Variants in SIPA1L1 observed in about 807,000 individuals in gnomAD.
SIPA1L1 encodes signal induced proliferation associated 1 like 1.
Under a neutral mutation model 162.7 loss-of-function variants are expected in SIPA1L1, and 26 were observed. The observed-to-expected ratio is 0.16, with a 90% CI of 0.12 to 0.22. The LOEUF is 0.22. SIPA1L1 is among the 10% of genes least tolerant of loss of function. The pLI, the probability that SIPA1L1 is intolerant of heterozygous loss-of-function variation, is 1.00. For missense variants in SIPA1L1, 1,874 were observed against 2,241.0 expected (o/e 0.84, Z 3.31); for synonymous variants, 829 against 837.4 (o/e 0.99, Z 0.17).
chr14:71,500,986 A>T (rs1240720621), intron 2 of SIPA1L1, among the ~76,000 whole-genome samples: 1 of 152,180 alleles, frequency 6.6e-6, no homozygotes, highest in East Asian at 1.9e-4. Context: ...ATCCTGGGCA[A>T]CAAGAGCGAA....
chr14:71,685,388 C>G lies in SIPA1L1; in HGVS notation c.3131C>G (p.Pro1044Arg), dbSNP rs2149565804. ...RRSCSETYRM[P>R]VMEYKMNEGV... ...AGTTGCTCTGAAACCTACCGCATGC[C>G]AGTGATGGAGTACAAAATGAATGAA... Residue 1044 changes from proline (P) to arginine (R), a missense_variant, in exon 13 of 24, where the codon CCA becomes CGA. Coordinates refer to ENST00000381232, the MANE Select transcript of SIPA1L1 (RefSeq NM_001386936.1). The G allele has an allele frequency of 6.2e-7, 1 of 1,614,108 alleles. No individual in the cohort carries two copies. The highest frequency in any genetic ancestry group is 2.2e-5 in the East Asian group (1 of 44,866).
At chr14:71,510,227 C>A (rs2051024631) in intron 2 of SIPA1L1, among the ~76,000 whole-genome samples, 1 of 109,698 alleles carries the variant, frequency 9.1e-6, no homozygotes, top group South Asian at 3.1e-4. Context: ...ACTCTTGTTG[C>A]CCAGGTTGGA....
chr14:71,417,050 C>T (rs1004736972), intron 2 of SIPA1L1, among the ~76,000 whole-genome samples: 1 of 152,090 alleles, frequency 6.6e-6, no homozygotes, highest in Non-Finnish European at 1.5e-5. Context: ...CGTGCCTGGC[C>T]TGCATGTAAC....
At chr14:71,607,201 A>G (rs1381878718) in intron 5 of SIPA1L1, among the ~76,000 whole-genome samples, 1 of 151,702 alleles carries the variant, frequency 6.6e-6, no homozygotes, top group Non-Finnish European at 1.5e-5. Context: ...GCAGAACTTC[A>G]CTATGAACAA....
At chr14:71,503,136 A>G (rs2050388600) in intron 2 of SIPA1L1, among the ~76,000 whole-genome samples, 1 of 152,198 alleles carries the variant, frequency 6.6e-6, no homozygotes, top group Non-Finnish European at 1.5e-5. Context: ...TTAGCTTCAA[A>G]TGGTGTAGAT....
intron 5 of SIPA1L1, among the ~76,000 whole-genome samples, chr14:71,592,562 C>T (rs188152779): frequency 1.1e-3 from 167 of 151,944 alleles, no homozygotes; most frequent in Non-Finnish European, 1.5e-3. Flanking sequence ...GTCACTCAGC[C>T]GCTTATCACC....
intron 2 of SIPA1L1, among the ~76,000 whole-genome samples, chr14:71,426,875 T>A (rs749693708): frequency 5.9e-5 from 9 of 152,182 alleles, no homozygotes; most frequent in Non-Finnish European, 1.2e-4. Context: ...GTCACAGAAT[T>A]ACATCTTTAT....
chr14:71,666,994 A>G (rs558726581), intron 10 of SIPA1L1, among the ~76,000 whole-genome samples: 67 of 152,080 alleles, frequency 4.4e-4, no homozygotes, highest in Non-Finnish European at 7.1e-4. Flanking sequence ...CAGCATCCCT[A>G]TTGTCCACTG....
intron 4 of SIPA1L1, among the ~76,000 whole-genome samples, chr14:71,549,314 T>C (rs540441423): frequency 6.6e-6 from 1 of 152,190 alleles, no homozygotes; most frequent in East Asian, 1.9e-4. Flanking sequence ...AGACTACCTT[T>C]TTTTTTTTCT....
In SIPA1L1 at chr14:71,358,782, G is replaced by A. The variant is rs556754041; in HGVS notation, c.-465+37601G>A. 7.2e-5 allele frequency among the ~76,000 whole-genome samples: 11 copies of A among 152,304 alleles called. No homozygotes were observed. In the South Asian group the frequency reaches 2.3e-3, roughly 32 times the overall value. ...AGGCCTCAGGAAACTTTTAGTCATG[G>A]CAGAGGGAAGCAGGCACGTCTTGCA... On this transcript the variant is annotated intron_variant, in intron 2 of 23. Coordinates refer to ENST00000381232, the MANE Select transcript of SIPA1L1 (RefSeq NM_001386936.1).
At chr14:71,463,470 T>TA (rs1164861054) in intron 2 of SIPA1L1, among the ~76,000 whole-genome samples, 4 of 152,226 alleles carry the variant, frequency 2.6e-5, no homozygotes, top group Non-Finnish European at 5.9e-5. Context: ...TCCCCTGGAA[T>TA]CAGCATCAGC....
chr14:71,523,963 G>C (rs759779017), intron 3 of SIPA1L1, among the ~76,000 whole-genome samples: 1 of 152,172 alleles, frequency 6.6e-6, no homozygotes, highest in Admixed American at 6.5e-5. Flanking sequence ...TTTGCAGCCA[G>C]ACATCTCTCC....
At chr14:71,428,705 C>G (rs1012377630) in intron 2 of SIPA1L1, among the ~76,000 whole-genome samples, 7 of 152,136 alleles carry the variant, frequency 4.6e-5, no homozygotes, top group Admixed American at 2.0e-4. Context: ...CAACAGTGGC[C>G]TCTTTGCACT....
At chr14:71,647,711 A>G (rs2042286858) in intron 7 of SIPA1L1, among the ~76,000 whole-genome samples, 1 of 152,162 alleles carries the variant, frequency 6.6e-6, no homozygotes, top group South Asian at 2.1e-4. Flanking sequence ...TGTAATAGAC[A>G]TCGAGACTAT....
At chr14:71,618,042 C>T (rs144683139) in intron 5 of SIPA1L1, among the ~76,000 whole-genome samples, 45 of 152,308 alleles carry the variant, frequency 3.0e-4, no homozygotes, top group African/African-American at 9.9e-4. Flanking sequence ...GTAAATTCAG[C>T]GCCAGTCCTT....
intron 2 of SIPA1L1, chr14:71,497,899 T>C (rs2049913765): frequency 6.6e-6 from 1 of 152,222 alleles, no homozygotes; most frequent in South Asian, 2.1e-4. Flanking sequence ...GGTAAGTGCT[T>C]TATGAGAAAC....
At chr14:71,640,313 T>C (rs945967493) in intron 7 of SIPA1L1, among the ~76,000 whole-genome samples, 1 of 152,198 alleles carries the variant, frequency 6.6e-6, no homozygotes, top group Non-Finnish European at 1.5e-5. Context: ...CTTTGGGACC[T>C]TCAGCTTGGT....
At position 71,740,333 on chromosome 14, in the gene SIPA1L1, A is replaced by G. The variant is rs1450665000; in HGVS notation, c.*1172A>G. On this transcript the variant is annotated 3_prime_UTR_variant, in exon 24 of 24. Transcript: ENST00000381232. The stretch of plus-strand genomic sequence containing the variant: ...CCATCCAAAGGATTCCGCTGCAGAA[A>G]TTATTGATGTGCTATTTTTGCTGTC... 1 of 152,198 alleles carries G rather than the reference A, an allele frequency of 6.6e-6. No homozygotes were observed. Among genetic ancestry groups the G allele is most frequent in the Non-Finnish European group, 1.5e-5 (1 of 68,040 alleles). The allele number at this position is 152,198 out of a possible 1,614,324, so 9.4% of individuals were successfully genotyped here.
chr14:71,444,889 A>G (rs2045224621), intron 2 of SIPA1L1, among the ~76,000 whole-genome samples: 1 of 152,160 alleles, frequency 6.6e-6, no homozygotes. Context: ...TAAAGCCTGT[A>G]TAGGGAGCTA....
Sources: gnomAD v4.1 joint callset for allele counts (sites outside exome capture counted in the v4.1 genomes callset) on GRCh38, gnomAD v4.1.1 for gene constraint, MANE v1.5 for transcripts, NCBI Gene and HGNC (gene_info 2026-07-23, HGNC 2026-07-21) for gene names.